GABRG3: variants seen among roughly 807,000 people sequenced by gnomAD.
GABRG3 encodes gamma-aminobutyric acid receptor subunit gamma-3.
A neutral mutation model predicts 48.8 loss-of-function variants in GABRG3; 25 were observed. The observed-to-expected ratio is 0.51, with a 90% CI of 0.37 to 0.72. The LOEUF is 0.72. Among genes scored for constraint, GABRG3 ranks in the 30% least tolerant of loss-of-function variants. The pLI is 0.00. For synonymous variants in GABRG3, 227 were observed against 217.6 expected (o/e 1.04, Z -0.38); for missense variants, 394 against 577.9 (o/e 0.68, Z 3.26).
At chr15:27,367,915 G>T (rs1463074117) in intron 5 of GABRG3, among the ~76,000 whole-genome samples, 2 of 152,116 alleles carry the variant, frequency 1.3e-5, no homozygotes, top group Non-Finnish European at 2.9e-5. Flanking sequence ...GAAGTCAAAA[G>T]GGCCCAGGGG....
chr15:27,329,817 A>G lies in GABRG3; in HGVS notation c.574+929A>G, dbSNP rs535547953. On this transcript the variant is annotated intron_variant, in intron 5 of 9. Coordinates refer to ENST00000615808, the MANE Select transcript of GABRG3 (RefSeq NM_033223.5). ...ATCAAATATCAAATCTATTTATACAATTTTTAAGTTAAAATCAAAATGGAA... is the reference window on the plus strand; with the variant it reads ...ATCAAATATCAAATCTATTTATACAGTTTTTAAGTTAAAATCAAAATGGAA... 8.5e-4 allele frequency among the ~76,000 whole-genome samples: 130 copies of G among 152,368 alleles called. 3 individuals carry two copies. The South Asian group carries it at 0.023, about 27-fold the overall frequency.
chr15:27,292,047 C>G (rs965467494), intron 3 of GABRG3, among the ~76,000 whole-genome samples: 1 of 152,180 alleles, frequency 6.6e-6, no homozygotes, highest in Non-Finnish European at 1.5e-5. Context: ...GTTTGGTTTT[C>G]TGTTCTTGTA....
At chr15:27,150,592 C>T (rs778794236) in intron 3 of GABRG3, among the ~76,000 whole-genome samples, 5 of 152,202 alleles carry the variant, frequency 3.3e-5, no homozygotes, top group Admixed American at 2.6e-4. Flanking sequence ...CTATCAACTA[C>T]GTTGATCCCA....
At chr15:27,261,693 C>G (rs1890774100) in intron 3 of GABRG3, among the ~76,000 whole-genome samples, 1 of 152,028 alleles carries the variant, frequency 6.6e-6, no homozygotes, top group Non-Finnish European at 1.5e-5. Context: ...CTATCCCTTT[C>G]CTTTCTTCTT....
rs554426134 is a variant in GABRG3, at chr15:27,369,240, A to G, written c.574+40352A>G. Among the ~76,000 whole-genome samples the G allele has an allele frequency of 3.9e-5, 6 of 152,338 alleles. No homozygotes were observed. In the South Asian group the frequency reaches 8.3e-4, roughly 21 times the overall value. On this transcript the variant is annotated intron_variant, in intron 5 of 9. Coordinates refer to ENST00000615808, the MANE Select transcript of GABRG3 (RefSeq NM_033223.5). ...CTAGCAGAAAGTTCTAGATAATGCAAGTGAGTTCAGCAAAATAACAGAATG... is the reference window on the plus strand; with the variant it reads ...CTAGCAGAAAGTTCTAGATAATGCAGGTGAGTTCAGCAAAATAACAGAATG...
chr15:27,501,107 A>G (rs76127976), intron 6 of GABRG3, among the ~76,000 whole-genome samples: 12,342 of 151,866 alleles, frequency 0.081, 940 homozygotes, highest in East Asian at 0.36. Flanking sequence ...GCCCGCCACC[A>G]CGCCCAGCAA....
intron 3 of GABRG3, among the ~76,000 whole-genome samples, chr15:27,085,141 G>T (rs777448710): frequency 9.9e-5 from 15 of 152,238 alleles, no homozygotes; most frequent in African/African-American, 3.6e-4. Flanking sequence ...CAAGGCTGGT[G>T]TGAACAGTCA....
intron 3 of GABRG3, among the ~76,000 whole-genome samples, chr15:27,277,340 T>C (rs1167296117): frequency 6.6e-6 from 1 of 152,230 alleles, no homozygotes; most frequent in Non-Finnish European, 1.5e-5. Flanking sequence ...TTCTCTCCCT[T>C]ATCCACTTTG....
intron 5 of GABRG3, among the ~76,000 whole-genome samples, chr15:27,375,972 C>T (rs944251003): frequency 6.6e-6 from 1 of 152,196 alleles, no homozygotes; most frequent in Non-Finnish European, 1.5e-5. Flanking sequence ...CAAGTTCCTT[C>T]TGCCTATGAG....
chr15:27,127,653 C>A (rs983166023), intron 3 of GABRG3, among the ~76,000 whole-genome samples: 2 of 152,142 alleles, frequency 1.3e-5, no homozygotes, highest in Non-Finnish European at 2.9e-5. Flanking sequence ...CCTGCATGGC[C>A]AACACGTGCT....
At chr15:27,519,746 G>A (rs775011445) in intron 6 of GABRG3, among the ~76,000 whole-genome samples, 4 of 152,156 alleles carry the variant, frequency 2.6e-5, no homozygotes, top group African/African-American at 4.8e-5. Flanking sequence ...GAATATGTTC[G>A]TTTTGTGCCC....
chr15:27,183,371 G>A (rs2140418037), intron 3 of GABRG3, among the ~76,000 whole-genome samples: 1 of 152,348 alleles, frequency 6.6e-6, no homozygotes, highest in African/African-American at 2.4e-5. Context: ...GCAGCGAAAA[G>A]GGAGGGAAGG....
At chr15:26,983,792 A>G (rs1287569043) in intron 2 of GABRG3, among the ~76,000 whole-genome samples, 2 of 152,154 alleles carry the variant, frequency 1.3e-5, no homozygotes, top group African/African-American at 4.8e-5. Context: ...AAATAATTTT[A>G]AAAAGACATA....
intron 3 of GABRG3, among the ~76,000 whole-genome samples, chr15:27,249,222 G>A (rs1380117933): frequency 1.3e-5 from 2 of 152,158 alleles, no homozygotes; most frequent in Non-Finnish European, 2.9e-5. Flanking sequence ...GCGCTCCGGG[G>A]AGGCTGCTCC....
chr15:27,455,717 T>C (rs1397602062), intron 5 of GABRG3, among the ~76,000 whole-genome samples: 2 of 150,280 alleles, frequency 1.3e-5, no homozygotes, highest in Non-Finnish European at 3.0e-5. Flanking sequence ...GTGTGCATGC[T>C]ATGTGTGGTT....
At chr15:27,100,978 A>G (rs1303155048) in intron 3 of GABRG3, among the ~76,000 whole-genome samples, 2 of 152,162 alleles carry the variant, frequency 1.3e-5, no homozygotes, top group Non-Finnish European at 2.9e-5. Context: ...GCACGTGGCA[A>G]GAATAAGCAA....
chr15:27,102,536 G>C (rs751667477), intron 3 of GABRG3, among the ~76,000 whole-genome samples: 33 of 152,156 alleles, frequency 2.2e-4, no homozygotes, highest in South Asian at 1.9e-3. Flanking sequence ...CTGGGTGAGA[G>C]GATTTTCTAT....
chr15:27,069,385 C>G (rs1480271593), intron 3 of GABRG3, among the ~76,000 whole-genome samples: 4 of 152,228 alleles, frequency 2.6e-5, no homozygotes, highest in Non-Finnish European at 4.4e-5. Context: ...TGTCTCCTGT[C>G]TCAATTGCTG....
chr15:27,351,467 GTA>G lies in GABRG3; in HGVS notation c.574+22581_574+22582del, dbSNP rs577526200. 7.1e-4 allele frequency among the ~76,000 whole-genome samples: 102 copies of G among 144,200 alleles called. 2 individuals are homozygous for G. The South Asian group carries it at 0.023, about 32-fold the overall frequency. The allele number at this position is 144,200 out of a possible 152,430, so 94.6% of individuals were successfully genotyped here. A position where few individuals can be genotyped will look rare whatever the true frequency, so the allele number is the denominator to read the frequency against. On this transcript the variant is annotated intron_variant, in intron 5 of 9. Coordinates refer to ENST00000615808, the MANE Select transcript of GABRG3 (RefSeq NM_033223.5). ...GTATATGGTGTGTGTGTTTGTGTGT[GTA>G]TGTTTGTATGGTGTGTGTATGGTGT...
Sources: gnomAD v4.1 joint callset for allele counts (sites outside exome capture counted in the v4.1 genomes callset) on GRCh38, gnomAD v4.1.1 for gene constraint, MANE v1.5 for transcripts, NCBI Gene and HGNC (gene_info 2026-07-23, HGNC 2026-07-21) for gene names.